EPHA3: variants seen among roughly 807,000 people sequenced by gnomAD.
EPHA3 encodes the protein ephrin type-A receptor 3.
In EPHA3, 42 loss-of-function variants were observed where a neutral mutation model predicts 107.1. The observed-to-expected ratio is 0.39, with a 90% CI of 0.31 to 0.51. The LOEUF is 0.51. Ranked by LOEUF, EPHA3 falls within the 20% of genes least tolerant of loss-of-function variation. The pLI is 0.78. For missense variants in EPHA3, 1,183 were observed against 1,211.2 expected, an observed-to-expected ratio of 0.98 and a Z score of 0.35; for synonymous variants, 461 against 424.8, an observed-to-expected ratio of 1.09 and a Z score of -1.05.
chr3:89,329,746 T>C (rs890114675), intron 3 of EPHA3, among the ~76,000 whole-genome samples: 1 of 152,096 alleles, frequency 6.6e-6, no homozygotes. Context: ...TTTATTTTCA[T>C]AACACCATTA....
At chr3:89,390,321 G>T (rs1307906472) in intron 5 of EPHA3, among the ~76,000 whole-genome samples, 1 of 152,082 alleles carries the variant, frequency 6.6e-6, no homozygotes, top group Non-Finnish European at 1.5e-5. Context: ...TACTTTGGCC[G>T]GGTGTGGTGG....
chr3:89,212,439 G>A (rs1459467286), intron 3 of EPHA3, among the ~76,000 whole-genome samples: 1 of 151,858 alleles, frequency 6.6e-6, no homozygotes, highest in Admixed American at 6.6e-5. Context: ...GAGTCATCTG[G>A]CATTCACTTT....
At chr3:89,388,163 A>G (rs1708659644) in intron 5 of EPHA3, among the ~76,000 whole-genome samples, 1 of 152,004 alleles carries the variant, frequency 6.6e-6, no homozygotes, top group Non-Finnish European at 1.5e-5. Flanking sequence ...TTTGATTTTA[A>G]TTTTTTTATT....
chr3:89,459,534 C>G (rs1168789689), intron 15 of EPHA3, among the ~76,000 whole-genome samples: 3 of 146,324 alleles, frequency 2.1e-5, no homozygotes, highest in African/African-American at 7.7e-5. Flanking sequence ...TCGTTCCTTC[C>G]TTTCTTCCTT....
At chr3:89,401,451 A>C (rs545273114) in intron 7 of EPHA3, among the ~76,000 whole-genome samples, 3 of 152,376 alleles carry the variant, frequency 2.0e-5, no homozygotes, top group African/African-American at 7.2e-5. Flanking sequence ...AAATAATGCA[A>C]GTGCCAACAA....
At chr3:89,347,486 G>T (rs1281222601) in intron 5 of EPHA3, among the ~76,000 whole-genome samples, 1 of 148,842 alleles carries the variant, frequency 6.7e-6, no homozygotes, top group Non-Finnish European at 1.5e-5. Flanking sequence ...CTTTGCTGAA[G>T]TTGCTTATCA....
intron 3 of EPHA3, among the ~76,000 whole-genome samples, chr3:89,252,905 T>C (rs1705197307): frequency 6.6e-6 from 1 of 150,592 alleles, no homozygotes; most frequent in South Asian, 2.1e-4. Flanking sequence ...TGGAATAGTA[T>C]AAAAGATCAA....
intron 3 of EPHA3, among the ~76,000 whole-genome samples, chr3:89,253,022 G>T (rs1705199607): frequency 6.6e-6 from 1 of 151,808 alleles, no homozygotes; most frequent in Non-Finnish European, 1.5e-5. Context: ...ATTGCCAGAG[G>T]CTGTTTAGTT....
At chr3:89,264,215 G>T (rs568766587) in intron 3 of EPHA3, among the ~76,000 whole-genome samples, 154 of 152,262 alleles carry the variant, frequency 1.0e-3, no homozygotes, top group African/African-American at 3.5e-3. Context: ...TCTTAAATGA[G>T]CTATCTGCTT....
At chr3:89,316,512 ATAT>A (rs1706909725) in intron 3 of EPHA3, among the ~76,000 whole-genome samples, 5 of 95,896 alleles carry the variant, frequency 5.2e-5, no homozygotes, top group African/African-American at 2.1e-4. Flanking sequence ...TGTAATATAT[ATAT>A]ATATATATAT....
chr3:89,203,015 C>G (rs555402073), intron 2 of EPHA3, among the ~76,000 whole-genome samples: 24 of 152,190 alleles, frequency 1.6e-4, no homozygotes, highest in Non-Finnish European at 2.9e-4. Context: ...GAGTGAAAAA[C>G]CAGATGGGAT....
intron 3 of EPHA3, among the ~76,000 whole-genome samples, chr3:89,279,353 T>C (rs1705887331): frequency 6.6e-6 from 1 of 152,140 alleles, no homozygotes; most frequent in African/African-American, 2.4e-5. Flanking sequence ...TGGCCTGTAC[T>C]TGTTCTACAC....
intron 3 of EPHA3, among the ~76,000 whole-genome samples, chr3:89,236,775 A>AT (rs930101926): frequency 1.3e-5 from 2 of 152,194 alleles, no homozygotes; most frequent in African/African-American, 2.4e-5. Flanking sequence ...TATAATAGTA[A>AT]TTTTTTTAAA....
intron 3 of EPHA3, among the ~76,000 whole-genome samples, chr3:89,238,327 A>G (rs1185210995): frequency 2.0e-5 from 3 of 152,220 alleles, no homozygotes; most frequent in Admixed American, 6.5e-5. Flanking sequence ...ATATTATATA[A>G]TCATCTCATC....
At chr3:89,349,558 G>A (rs1707754769) in intron 5 of EPHA3, among the ~76,000 whole-genome samples, 1 of 148,272 alleles carries the variant, frequency 6.7e-6, no homozygotes, top group South Asian at 2.1e-4. Context: ...GATGGGTCTT[G>A]ACTCTTTATC....
intron 5 of EPHA3, among the ~76,000 whole-genome samples, chr3:89,381,651 G>A (rs533067740): frequency 3.9e-5 from 6 of 151,902 alleles, no homozygotes; most frequent in African/African-American, 1.2e-4. Context: ...CCTGGGTGAC[G>A]GAGTGAGACT....
intron 3 of EPHA3, among the ~76,000 whole-genome samples, chr3:89,275,224 T>C (rs1243508718): frequency 1.4e-4 from 22 of 152,038 alleles, no homozygotes; most frequent in Admixed American, 1.4e-3. Context: ...GGGAGCAATG[T>C]CAATTCTACA....
intron 2 of EPHA3, among the ~76,000 whole-genome samples, chr3:89,151,984 A>G (rs887881976): frequency 6.6e-5 from 10 of 152,032 alleles, no homozygotes; most frequent in Non-Finnish European, 1.3e-4. Flanking sequence ...TGTTTTTTAA[A>G]TTACAGATTT....
intron 7 of EPHA3, 126 bp downstream of exon 7, chr3:89,399,606 C>G (rs534396326): frequency 7.1e-7 from 1 of 1,417,884 alleles, no homozygotes; most frequent in East Asian, 2.5e-5. Context: ...TTGCTTGGGA[C>G]ATTGCAATTT....
Sources: allele counts gnomAD v4.1 joint callset (sites outside exome capture counted in the v4.1 genomes callset), GRCh38; gene constraint gnomAD v4.1.1; transcripts MANE v1.5; gene names NCBI Gene and HGNC (gene_info 2026-07-23, HGNC 2026-07-21).